Variants in PRKCH observed in about 807,000 individuals in gnomAD.
PRKCH encodes protein kinase C eta, also known as protein kinase C eta type.
Under a neutral mutation model 82.5 loss-of-function variants are expected in PRKCH, and 28 were observed. The ratio of observed to expected loss-of-function variants is 0.34; its 90% CI spans 0.25 to 0.47. The LOEUF is 0.47. Among genes scored for constraint, PRKCH ranks in the 20% least tolerant of loss-of-function variants. The pLI is 1.00. For synonymous variants in PRKCH, 322 were observed against 327.4 expected, an observed-to-expected ratio of 0.98 and a Z score of 0.18; for missense variants, 705 against 881.8, an observed-to-expected ratio of 0.80 and a Z score of 2.54.
chr14:61,283,329 T>C (rs2045287954), intron 1 of PRKCH, among the ~76,000 whole-genome samples: 1 of 152,202 alleles, frequency 6.6e-6, no homozygotes, highest in African/African-American at 2.4e-5. Flanking sequence ...TGACAGATTT[T>C]CAAAGTCAAA....
At chr14:61,282,347 A>C (rs1174315182) in intron 1 of PRKCH, among the ~76,000 whole-genome samples, 1 of 151,778 alleles carries the variant, frequency 6.6e-6, no homozygotes, top group South Asian at 2.1e-4. Flanking sequence ...TTTCTTACTA[A>C]ATCTAAATCT....
intron 12 of PRKCH, among the ~76,000 whole-genome samples, chr14:61,535,965 C>A (rs1196144767): frequency 6.6e-6 from 1 of 152,186 alleles, no homozygotes; most frequent in East Asian, 1.9e-4. Flanking sequence ...AAATGAATAT[C>A]TTTTATAAAC....
rs866673189 is a variant in PRKCH at position 61,232,887 on chromosome 14, G to A, written c.-19+45219G>A. Among the ~76,000 whole-genome samples, 33 of 152,172 alleles carry A rather than the reference G, an allele frequency of 2.2e-4. No individual in the cohort carries two copies. The Middle Eastern group carries it at 0.024, about 110-fold the overall frequency. ...TGACACTACGCAGGGGTTGCCAACC[G>A]TCAGTCAACTCATTAGCACAGAAAA... On this transcript the variant is annotated intron_variant, in intron 1 of 3. Coordinates refer to the PRKCH transcript ENST00000555185.
At chr14:61,523,019 C>T (rs1225885649) in intron 10 of PRKCH, among the ~76,000 whole-genome samples, 1 of 152,242 alleles carries the variant, frequency 6.6e-6, no homozygotes, top group Non-Finnish European at 1.5e-5. Flanking sequence ...TAAACCCAGG[C>T]ACTCAAAACA....
chr14:61,273,159 G>A lies in PRKCH; in HGVS notation c.-19+85491G>A, dbSNP rs904730030. Among the ~76,000 whole-genome samples, 6 of 152,246 alleles carry A rather than the reference G, an allele frequency of 3.9e-5. No individual in the cohort carries two copies. In the South Asian group the frequency reaches 1.2e-3, roughly 32 times the overall value. ...TTTATGGCCCTTCTGTGGCAGATCAGACTAAACATAATTCATTCATAGCTA... is the reference window on the plus strand; with the variant it reads ...TTTATGGCCCTTCTGTGGCAGATCAAACTAAACATAATTCATTCATAGCTA... On this transcript the variant is annotated intron_variant, in intron 1 of 3. Coordinates refer to the PRKCH transcript ENST00000555185.
At chr14:61,486,176 CTGT>C (rs1342029623) in intron 10 of PRKCH, among the ~76,000 whole-genome samples, 2 of 152,200 alleles carry the variant, frequency 1.3e-5, no homozygotes, top group Admixed American at 1.3e-4. Flanking sequence ...GCTAAACACA[CTGT>C]TGTTCTCTTT....
chr14:61,521,553 C>G (rs547435320), intron 10 of PRKCH, among the ~76,000 whole-genome samples: 6 of 151,114 alleles, frequency 4.0e-5, no homozygotes, highest in Non-Finnish European at 7.4e-5. Context: ...TTTTTCTAAT[C>G]TTTTTATTTT....
At chr14:61,262,750 A>G (rs2045060692) in intron 1 of PRKCH, among the ~76,000 whole-genome samples, 12 of 152,130 alleles carry the variant, frequency 7.9e-5, no homozygotes, top group Admixed American at 7.9e-4. Flanking sequence ...AGATGATGCA[A>G]CAGAAAAAAA....
intron 1 of PRKCH, among the ~76,000 whole-genome samples, chr14:61,222,896 C>A (rs1237441972): frequency 6.6e-6 from 1 of 152,160 alleles, no homozygotes; most frequent in African/African-American, 2.4e-5. Flanking sequence ...CATTTTATTC[C>A]CAGTGGCCAG....
chr14:61,282,477 T>C (rs2045280728), intron 1 of PRKCH, among the ~76,000 whole-genome samples: 1 of 152,138 alleles, frequency 6.6e-6, no homozygotes, highest in Admixed American at 6.5e-5. Context: ...TCAAAACCCA[T>C]TGAACTTGGA....
At chr14:61,512,272 T>A (rs1049152606) in intron 10 of PRKCH, among the ~76,000 whole-genome samples, 29 of 134,822 alleles carry the variant, frequency 2.2e-4, no homozygotes, top group Non-Finnish European at 3.7e-4. Flanking sequence ...TTTTTTTTTT[T>A]AAAGCAGGGC....
At chr14:61,340,498 A>G (rs1251803266) in intron 1 of PRKCH, among the ~76,000 whole-genome samples, 1 of 152,126 alleles carries the variant, frequency 6.6e-6, no homozygotes, top group Non-Finnish European at 1.5e-5. Context: ...AAGGACTTCC[A>G]AAGCTCTGTC....
chr14:61,468,622 T>C (rs1885365095), intron 9 of PRKCH, among the ~76,000 whole-genome samples: 1 of 152,166 alleles, frequency 6.6e-6, no homozygotes, highest in East Asian at 1.9e-4. Flanking sequence ...CTCTGTCTCT[T>C]TGGACGCGAC....
intron 1 of PRKCH, among the ~76,000 whole-genome samples, chr14:61,243,665 A>C (rs1427310684): frequency 6.6e-6 from 1 of 152,204 alleles, no homozygotes; most frequent in Non-Finnish European, 1.5e-5. Context: ...ATATAGTAAC[A>C]GAGAGCTATG....
intron 1 of PRKCH, chr14:61,279,123 C>G (rs1242278583): frequency 6.6e-6 from 1 of 152,198 alleles, no homozygotes. Context: ...TTCCTCTGAA[C>G]TGTACAAACT....
At chr14:61,406,297 G>A (rs1881945177) in intron 2 of PRKCH, among the ~76,000 whole-genome samples, 1 of 152,250 alleles carries the variant, frequency 6.6e-6, no homozygotes, top group African/African-American at 2.4e-5. Flanking sequence ...AAAATGCTGC[G>A]ACAAGGGTCA....
Position 61,358,789 on chromosome 14 carries a change from G to T in PRKCH, c.364-32436G>T, listed in dbSNP as rs2046184643. ...TCCGGCTTCATCCTTGAGCAACACAGTCTTGCTGTGTTCCCTGTGCAGGCC... is the reference window on the plus strand; with the variant it reads ...TCCGGCTTCATCCTTGAGCAACACATTCTTGCTGTGTTCCCTGTGCAGGCC... On this transcript the variant is annotated intron_variant, in intron 1 of 13. Coordinates refer to ENST00000332981, the MANE Select transcript of PRKCH (RefSeq NM_006255.5). Among the ~76,000 whole-genome samples, 4 of 152,184 alleles carry T rather than the reference G, an allele frequency of 2.6e-5. 1 individual carries two copies. The South Asian group carries it at 8.3e-4, about 32-fold the overall frequency.
At chr14:61,439,607 C>G (rs181651917) in intron 2 of PRKCH, among the ~76,000 whole-genome samples, 2,058 of 146,698 alleles carry the variant, frequency 0.014, 32 homozygotes, top group South Asian at 0.042. Flanking sequence ...GCACTCCCGG[C>G]CTGCTGTGGG....
intron 1 of PRKCH, among the ~76,000 whole-genome samples, chr14:61,352,607 T>G (rs1231504866): frequency 2.7e-5 from 4 of 148,520 alleles, no homozygotes. Context: ...GAGGTTGTAG[T>G]GAGCTGAGAT....
Sources: allele counts gnomAD v4.1 joint callset (sites outside exome capture counted in the v4.1 genomes callset), GRCh38; gene constraint gnomAD v4.1.1; transcripts MANE v1.5; gene names NCBI Gene and HGNC (gene_info 2026-07-23, HGNC 2026-07-21).